TLCD1: variants seen among roughly 807,000 people sequenced by gnomAD.
The protein encoded by TLCD1 is TLC domain containing 1, also known as TLC domain-containing protein 1.
TLCD1 carries 21 observed loss-of-function variants against 21.2 expected under a neutral mutation model. The observed-to-expected ratio is 0.99, with a 90% CI of 0.70 to 1.42. The LOEUF is 1.42. TLCD1 is among the 40% of genes most tolerant of loss of function. TLCD1 has a pLI of 0.00. For missense variants in TLCD1, 344 were observed against 330.3 expected (o/e 1.04, Z -0.32); for synonymous variants, 168 against 134.8 (o/e 1.25, Z -1.71).
At chr17:28,726,251 C>A, upstream of TLCD1, 2 of 1,266,598 alleles carry the variant, frequency 1.6e-6, no homozygotes, top group Non-Finnish European at 9.9e-7. Flanking sequence ...GGCTCCTCCT[C>A]GCCCTCCCTG....
chr17:28,725,710 C>T (rs2034214051), intron 1 of TLCD1, 147 bp from the exon 2 acceptor site: 1 of 1,146,534 alleles, frequency 8.7e-7, no homozygotes. Flanking sequence ...ACCCAAGAGC[C>T]TCCAGTTTCC....
upstream of TLCD1, chr17:28,726,876 G>T: frequency 6.8e-7 from 1 of 1,479,570 alleles, no homozygotes; most frequent in Non-Finnish European, 9.2e-7. Flanking sequence ...CCCTCAGACA[G>T]TCCCGGCCCT....
rs573278808 is a variant in TLCD1 at position 28,725,318 on chromosome 17, C to G, written c.346G>C (p.Val116Leu). ...GQTRASWEYL[V>L]HHVMAMGAFF... ...TTCTCTCTTACCATGACGTGATGGACAAGGTATTCCCAAGAGGCTCGCGTC... is the reference window on the plus strand; with the variant it reads ...TTCTCTCTTACCATGACGTGATGGAGAAGGTATTCCCAAGAGGCTCGCGTC... Residue 116 changes from valine to leucine, a missense_variant, in exon 3 of 4, where the codon GTC becomes CTC. Physicochemically the swap from Val to Leu is conservative, Grantham distance 32. Coordinates refer to ENST00000292090, the MANE Select transcript of TLCD1 (RefSeq NM_138463.4). The G allele has an allele frequency of 9.9e-6, 16 of 1,614,130 alleles. No individual in the cohort carries two copies. The South Asian group carries it at 1.8e-4, about 18-fold the overall frequency.
In TLCD1 at chr17:28,725,504, T is replaced by TA. The variant is rs1267761603; in HGVS notation, c.253dup (p.Tyr85LeufsTer21). On this transcript the variant is annotated frameshift_variant, in exon 2 of 4. Coordinates refer to ENST00000292090, the MANE Select transcript of TLCD1 (RefSeq NM_138463.4). LOFTEE classifies it high-confidence loss of function. The stretch of plus-strand genomic sequence containing the variant: ...ACCCGCAGAGAAGCAAACGAGCAAA[T>TA]AGCCAGAAAGTGACCACGCCGTCTC... 1.2e-6 allele frequency: 2 copies of TA among 1,614,024 alleles called. No individual in the cohort carries two copies. The highest frequency in any genetic ancestry group is 1.7e-6 in the Non-Finnish European group (2 of 1,179,986).
At position 28,725,547 on chromosome 17, in the gene TLCD1, C is replaced by T. The variant is rs1289268704; in HGVS notation, c.211G>A (p.Asp71Asn). The stretch of plus-strand genomic sequence containing the variant: ...GCCGTCTCAATCTCCACTAACATGT[C>T]AGGAGTCTGCCATACACTGGAAAGG... ...WALLCVWQTP[D>N]MLVEIETAWS... is the part of the protein sequence containing the mutation. Residue 71 changes from aspartate to asparagine, a missense_variant, in exon 2 of 4, where the codon GAC becomes AAC. Transcript: ENST00000292090. 1.2e-6 allele frequency: 2 copies of T among 1,614,000 alleles called. No homozygotes were observed. Among genetic ancestry groups the T allele is most frequent in the East Asian group, 2.2e-5 (1 of 44,898 alleles).
Position 28,725,509 on chromosome 17 carries a change from A to T in TLCD1, c.249T>A (p.Ser83=). 1.2e-6 allele frequency: 2 copies of T among 1,614,188 alleles called. No homozygotes were observed. Among genetic ancestry groups the T allele is most frequent in the Non-Finnish European group, 1.7e-6 (2 of 1,180,020 alleles). ...LVEIETAWSL[S]GYLLVCFSAG... is the part of the protein sequence containing the mutation. ...CAGAGAAGCAAACGAGCAAATAGCC[A>T]GAAAGTGACCACGCCGTCTCAATCT... Residue 83 remains serine, a synonymous_variant, in exon 2 of 4, where the codon TCT becomes TCA. Transcript: ENST00000292090.
upstream of TLCD1, chr17:28,726,707 T>A (rs1345704493): frequency 1.3e-6 from 2 of 1,532,592 alleles, no homozygotes; most frequent in African/African-American, 2.7e-5. Context: ...GCAGACCCAG[T>A]GCCCCTACCG....
Position 28,724,362 on chromosome 17 carries a change from T to C in TLCD1, c.*148A>G. The stretch of plus-strand genomic sequence containing the variant: ...AGGACAAGGACTTCAGAGGAGTACT[T>C]TCATTAGTGTTTTCAATAGTGTGGG... On this transcript the variant is annotated 3_prime_UTR_variant, in exon 4 of 4. Transcript: ENST00000292090. 1 of 1,024,008 alleles carries C rather than the reference T, an allele frequency of 9.8e-7. No homozygotes were observed. The highest frequency in any genetic ancestry group is 1.6e-5 in the South Asian group (1 of 64,110). 63.4% of individuals were successfully genotyped at this position (1,024,008 alleles called of 1,614,324 possible). A position where few individuals can be genotyped will look rare whatever the true frequency, so the allele number is the denominator to read the frequency against.
At chr17:28,725,198 G>C in intron 3 of TLCD1, 106 bp downstream of exon 3, 2 of 1,301,778 alleles carry the variant, frequency 1.5e-6, no homozygotes, top group Non-Finnish European at 2.2e-6. Flanking sequence ...ACACAGGTCG[G>C]GGGTGGGTGG....
At position 28,725,319 on chromosome 17, in the gene TLCD1, A is replaced by G; in HGVS notation, c.345T>C (p.Leu115=). 14 of 1,614,130 alleles carry G rather than the reference A, an allele frequency of 8.7e-6. No homozygotes were observed. Among genetic ancestry groups the G allele is most frequent in the East Asian group, 2.2e-5 (1 of 44,888 alleles). ...SGQTRASWEY[L]VHHVMAMGAF... is the part of the protein sequence containing the mutation. Reference sequence around the variant, plus strand: ...TCTCTCTTACCATGACGTGATGGACAAGGTATTCCCAAGAGGCTCGCGTCT... The same window carrying G: ...TCTCTCTTACCATGACGTGATGGACGAGGTATTCCCAAGAGGCTCGCGTCT... The change falls in exon 3 of 4, where the codon CTT becomes CTC. Residue 115 remains leucine (L), a synonymous_variant. Coordinates refer to ENST00000292090, the MANE Select transcript of TLCD1 (RefSeq NM_138463.4).
intron 3 of TLCD1, 99 bp from the exon 4 acceptor site, chr17:28,724,992 A>C (rs1232847612): frequency 6.8e-6 from 9 of 1,332,586 alleles, no homozygotes; most frequent in Non-Finnish European, 9.2e-6. Context: ...GGAAAATCCC[A>C]AATTTCCCCC....
upstream of TLCD1, chr17:28,726,643 A>G: frequency 9.7e-7 from 1 of 1,026,008 alleles, no homozygotes; most frequent in Non-Finnish European, 1.5e-6. Context: ...CACGCCCCCT[A>G]AGTCCTGGTC....
At chr17:28,726,688 G>T (rs961990921), upstream of TLCD1, 4 of 1,468,348 alleles carry the variant, frequency 2.7e-6, no homozygotes, top group African/African-American at 4.2e-5. Flanking sequence ...GTCCGACAGT[G>T]GTCTCCGTGC....
upstream of TLCD1, chr17:28,726,819 T>C: frequency 1.3e-6 from 2 of 1,547,488 alleles, no homozygotes; most frequent in Non-Finnish European, 1.7e-6. Context: ...CGCCACCTCT[T>C]CCCGCCGGCT....
Position 28,726,007 on chromosome 17 carries a change from G to A in TLCD1, c.91C>T (p.Leu31=). 1 of 1,604,730 alleles carries A rather than the reference G, an allele frequency of 6.2e-7. No individual in the cohort carries two copies. Among genetic ancestry groups the A allele is most frequent in the South Asian group, 1.1e-5 (1 of 90,644 alleles). ...GGGTCGGCGCGCACGTGCACGGGTAGGGGCAGGCGACAGAGCGCGCGCCGG... is the reference window on the plus strand; with the variant it reads ...GGGTCGGCGCGCACGTGCACGGGTAAGGGCAGGCGACAGAGCGCGCGCCGG... ...ALRRALCRLP[L]PVHVRADPLR... The change falls in exon 1 of 4, where the codon CTA becomes TTA. Residue 31 remains leucine (L), a synonymous_variant. Transcript: ENST00000292090.
chr17:28,726,318 CGCCCCGTCCGCCT>C, upstream of TLCD1: 1 of 954,466 alleles, frequency 1.0e-6, no homozygotes, highest in East Asian at 5.1e-5. Context: ...CGCCTGCCCC[CGCCCCGTCCGCCT>C]GCCCCCGCCC....
rs747136598 is a variant in TLCD1, at chr17:28,724,606, C to T, written c.648G>A (p.Val216=). Residue 216 remains valine (V), a synonymous_variant, in exon 4 of 4, where the codon GTG becomes GTA. Coordinates refer to ENST00000292090, the MANE Select transcript of TLCD1 (RefSeq NM_138463.4). ...GGCGGGAAAAGTAGATTATGATCAT[C>T]ACGTCCAGCATGAGCAGGATACCCA... ...FLLGILLMLD[V]MIIIYFSRLL... 1.2e-6 allele frequency: 2 copies of T among 1,614,018 alleles called. No homozygotes were observed. Among genetic ancestry groups the T allele is most frequent in the African/African-American group, 1.3e-5 (1 of 74,900 alleles).
Position 28,726,076 on chromosome 17 carries a change from C to T in TLCD1, c.22G>A (p.Ala8Thr). ...GTGGCGCCCAGGAGCAGCGGCAGGG[C>T]GGGGTGCAGCAGTCGGGGCATGCTG... MPRLLHP[A>T]LPLLLGATLT... The change falls in exon 1 of 4, where the codon GCC becomes ACC. Residue 8 changes from alanine to threonine, a missense_variant. Coordinates refer to ENST00000292090, the MANE Select transcript of TLCD1 (RefSeq NM_138463.4). The T allele has an allele frequency of 1.3e-6, 2 of 1,493,040 alleles. No individual in the cohort carries two copies. The highest frequency in any genetic ancestry group is 8.9e-7 in the Non-Finnish European group (1 of 1,129,204). 92.5% of individuals were successfully genotyped at this position (1,493,040 alleles called of 1,614,324 possible). A position where few individuals can be genotyped will look rare whatever the true frequency, so the allele number is the denominator to read the frequency against.
upstream of TLCD1, chr17:28,726,900 C>G: frequency 2.2e-6 from 3 of 1,344,024 alleles, no homozygotes; most frequent in Non-Finnish European, 3.1e-6. Context: ...CCCGGCTCCC[C>G]GGAGGCTGGG....
Sources: allele counts gnomAD v4.1 joint callset, GRCh38; gene constraint gnomAD v4.1.1; transcripts MANE v1.5; gene names NCBI Gene and HGNC (gene_info 2026-07-23, HGNC 2026-07-21).